Variants in NACC2 observed in about 807,000 individuals in gnomAD.
The protein encoded by NACC2 is NACC family member 2.
A neutral mutation model predicts 25.1 loss-of-function variants in NACC2; 8 were observed. The ratio of observed to expected loss-of-function variants is 0.32; its 90% CI spans 0.19 to 0.57. The LOEUF (loss-of-function observed/expected upper bound fraction) is 0.57, where lower values mean the gene tolerates loss of function less well. Ranked by LOEUF, NACC2 falls within the 20% of genes least tolerant of loss-of-function variation. NACC2 has a pLI of 0.89. For missense variants in NACC2, 644 were observed against 650.2 expected (o/e 0.99, Z 0.10); for synonymous variants, 435 against 294.7 (o/e 1.48, Z -4.88).
chr9:136,025,034 G>GA (rs923746981), intron 2 of NACC2, among the ~76,000 whole-genome samples: 16 of 152,026 alleles, frequency 1.1e-4, no homozygotes, highest in Non-Finnish European at 2.2e-4. Context: ...GCCAAGAAAC[G>GA]AAAAAAACAA....
chr9:136,060,822 C>G (rs569775476), intron 1 of NACC2, among the ~76,000 whole-genome samples: 13 of 152,386 alleles, frequency 8.5e-5, no homozygotes, highest in Admixed American at 2.6e-4. Flanking sequence ...CTGCTCATCC[C>G]TCCCACCAGA....
At chr9:136,028,994 G>A (rs1239102196) in intron 2 of NACC2, among the ~76,000 whole-genome samples, 2 of 152,214 alleles carry the variant, frequency 1.3e-5, no homozygotes, top group African/African-American at 2.4e-5. Flanking sequence ...CAGCCTGGGT[G>A]TGTGTGGCCA....
At chr9:136,052,490 G>A (rs973300862) in intron 1 of NACC2, among the ~76,000 whole-genome samples, 1 of 152,062 alleles carries the variant, frequency 6.6e-6, no homozygotes, top group African/African-American at 2.4e-5. Context: ...GGAAGGGGAG[G>A]GGAGGTACAG....
chr9:136,061,837 T>C (rs1344780339), intron 1 of NACC2, among the ~76,000 whole-genome samples: 1 of 152,086 alleles, frequency 6.6e-6, no homozygotes, highest in Non-Finnish European at 1.5e-5. Flanking sequence ...GAAAAGTTGG[T>C]GGCCGGGCGC....
intron 1 of NACC2, among the ~76,000 whole-genome samples, chr9:136,054,669 C>A (rs1205919339): frequency 6.6e-6 from 1 of 151,946 alleles, no homozygotes; most frequent in African/African-American, 2.4e-5. Flanking sequence ...GGCATCCCCA[C>A]CCTCCCCTGC....
At chr9:136,037,151 A>G (rs959140548) in intron 2 of NACC2, among the ~76,000 whole-genome samples, 7 of 152,252 alleles carry the variant, frequency 4.6e-5, no homozygotes, top group Admixed American at 3.9e-4. Flanking sequence ...TGAAGGTGAC[A>G]ATAAATTACA....
intron 2 of NACC2, among the ~76,000 whole-genome samples, chr9:136,040,724 C>G (rs1840615135): frequency 6.6e-6 from 1 of 152,152 alleles, no homozygotes; most frequent in Admixed American, 6.5e-5. Context: ...CTTTGGGAAG[C>G]CAAGGCAGGT....
At chr9:136,016,684 G>A (rs1467429756) in intron 2 of NACC2, among the ~76,000 whole-genome samples, 1 of 152,180 alleles carries the variant, frequency 6.6e-6, no homozygotes, top group Non-Finnish European at 1.5e-5. Flanking sequence ...CGAGTGAGCA[G>A]AAGATGTGAG....
At chr9:136,080,997 T>G (rs999715133) in intron 1 of NACC2, among the ~76,000 whole-genome samples, 1 of 152,054 alleles carries the variant, frequency 6.6e-6, no homozygotes, top group Non-Finnish European at 1.5e-5. Context: ...CCAAGCACAT[T>G]CTGATTAACA....
rs1031311772 is a variant in NACC2, at chr9:136,055,324, G to C, written c.-59-4744C>G. ...TTCACACAAGGACACAGGTTACAAG[G>C]TTGGTGCCAGGCCAGGGCACCTGGG... On this transcript the variant is annotated intron_variant, in intron 1 of 5. Transcript: ENST00000277554. This position sits in a 1 kb window ranked among gnomAD's most constrained non-coding sequence, Gnocchi z 4.9. Among the ~76,000 whole-genome samples the C allele has an allele frequency of 6.6e-6, 1 of 152,168 alleles. No homozygotes were observed. The highest frequency in any genetic ancestry group is 1.5e-5 in the Non-Finnish European group (1 of 68,028).
intron 1 of NACC2, among the ~76,000 whole-genome samples, chr9:136,089,343 T>G (rs947478937): frequency 6.6e-6 from 1 of 151,652 alleles, no homozygotes; most frequent in Non-Finnish European, 1.5e-5. Context: ...ACAAGGGGGC[T>G]CCCCCTCCCC....
rs1011518666 is a variant in NACC2 at position 136,049,673 on chromosome 9, G to A, written c.849C>T (p.Tyr283=). 13 of 778,840 alleles carry A rather than the reference G, an allele frequency of 1.7e-5. No homozygotes were observed. The highest frequency in any genetic ancestry group is 1.0e-4 in the African/African-American group (6 of 59,092). 48.2% of individuals were successfully genotyped at this position (778,840 alleles called of 1,614,324 possible). ...EAYDTMVEEQ[Y]GQMYIKASGS... ...CGGAGGCCTTGATGTACATCTGGCC[G>A]TACTGCTCCTCCACCATGGTGTCGT... Residue 283 remains tyrosine (Y), a synonymous_variant, in exon 2 of 6, where the codon TAC becomes TAT. Coordinates refer to ENST00000277554, the MANE Select transcript of NACC2 (RefSeq NM_144653.5).
chr9:136,059,715 G>A (rs866126353), intron 1 of NACC2, among the ~76,000 whole-genome samples: 1 of 152,224 alleles, frequency 6.6e-6, no homozygotes, highest in East Asian at 1.9e-4. Flanking sequence ...TGACAAGGAC[G>A]GGACAGCCTG....
chr9:136,011,614 G>T lies in NACC2; in HGVS notation c.1666C>A (p.Pro556Thr). ...EPLPADGQSP[P>T]QPFEQGGGGP... ...CCCCCGCCCTGCTCAAAGGGCTGTG[G>T]GGGGCTCTGGCCATCGGCGGGCAGC... is the stretch of plus-strand genomic sequence containing the variant. The change falls in exon 6 of 6, where the codon CCA becomes ACA. Residue 556 changes from proline (P) to threonine (T), a missense_variant. Transcript: ENST00000277554. 1 of 1,430,360 alleles carries T rather than the reference G, an allele frequency of 7.0e-7. No homozygotes were observed. Among genetic ancestry groups the T allele is most frequent in the Non-Finnish European group, 9.1e-7 (1 of 1,099,424 alleles). The allele number at this position is 1,430,360 out of a possible 1,614,324, so 88.6% of individuals were successfully genotyped here. A position where few individuals can be genotyped will look rare whatever the true frequency, so the allele number is the denominator to read the frequency against.
At chr9:136,046,574 G>T (rs144799681) in intron 2 of NACC2, among the ~76,000 whole-genome samples, 16,598 of 152,284 alleles carry the variant, frequency 0.11, 1,192 homozygotes, top group Non-Finnish European at 0.16. Context: ...GATGGGGACC[G>T]AGACGGGGCC....
rs1228308848 is a variant in NACC2, at chr9:136,012,032, G to A, written c.1256-8C>T. On this transcript the variant is annotated splice_region_variant and splice_polypyrimidine_tract_variant and intron_variant, in intron 5 of 5. Transcript: ENST00000277554. ...CGAAGTTCTGACAGTACACTGTGAG[G>A]ACGGGGCGGCGTGAGCTCAGCCACC... 1.3e-6 allele frequency: 2 copies of A among 1,542,188 alleles called. No homozygotes were observed. Among genetic ancestry groups the A allele is most frequent in the African/African-American group, 1.4e-5 (1 of 72,918 alleles).
Position 136,093,304 on chromosome 9 carries a change from T to C in NACC2, c.-60+1885A>G, listed in dbSNP as rs532935101. Among the ~76,000 whole-genome samples, 11 of 152,272 alleles carry C rather than the reference T, an allele frequency of 7.2e-5. No homozygotes were observed. In the East Asian group the frequency reaches 2.1e-3, roughly 29 times the overall value. Reference sequence around the variant, plus strand: ...TGAATAATGCAGCCTCATGCTTTAATTGGAAAACAAAGGGAGGATTGAAGA... The same window carrying C: ...TGAATAATGCAGCCTCATGCTTTAACTGGAAAACAAAGGGAGGATTGAAGA... On this transcript the variant is annotated intron_variant, in intron 1 of 5. Transcript: ENST00000277554.
chr9:136,037,165 G>A (rs1283911161), intron 2 of NACC2, among the ~76,000 whole-genome samples: 2 of 152,152 alleles, frequency 1.3e-5, no homozygotes, highest in East Asian at 1.9e-4. Flanking sequence ...AATTACACAA[G>A]GAAAGCTGAT....
chr9:136,093,485 C>T (rs570042493), intron 1 of NACC2, among the ~76,000 whole-genome samples: 16 of 152,292 alleles, frequency 1.1e-4, no homozygotes, highest in South Asian at 8.3e-4. Flanking sequence ...GGCTCCTCCC[C>T]GCCTTCCCGC....
Sources: allele counts gnomAD v4.1 joint callset (sites outside exome capture counted in the v4.1 genomes callset), GRCh38; gene constraint gnomAD v4.1.1; non-coding constraint Gnocchi (gnomAD v3.1); transcripts MANE v1.5; gene names NCBI Gene and HGNC (gene_info 2026-07-23, HGNC 2026-07-21).